SCFD2: variants seen among roughly 807,000 people sequenced by gnomAD.
The protein encoded by SCFD2 is sec1 family domain containing 2.
SCFD2 carries 54 observed loss-of-function variants against 58.9 expected under a neutral mutation model. The observed-to-expected ratio is 0.92, with a 90% CI of 0.74 to 1.15. SCFD2 has a LOEUF of 1.15. SCFD2 is among the 50% of genes most tolerant of loss of function. The probability of loss-of-function intolerance (pLI) is 0.00; values close to 1 mark genes in which losing one functional copy is unlikely to be tolerated. For synonymous variants in SCFD2, 321 were observed against 335.9 expected (o/e 0.96, Z 0.49); for missense variants, 805 against 836.6 (o/e 0.96, Z 0.47).
chr4:53,297,429 G>T (rs1168995437), intron 3 of SCFD2, among the ~76,000 whole-genome samples: 2 of 150,910 alleles, frequency 1.3e-5, no homozygotes, highest in Non-Finnish European at 3.0e-5. Context: ...TTAGTTTAAG[G>T]TCTCTTTGTG....
At chr4:53,160,492 T>A (rs796700672) in intron 4 of SCFD2, among the ~76,000 whole-genome samples, 12 of 152,302 alleles carry the variant, frequency 7.9e-5, no homozygotes, top group African/African-American at 2.9e-4. Context: ...CAAAAGAGTC[T>A]AGAATTATTC....
intron 4 of SCFD2, among the ~76,000 whole-genome samples, chr4:53,242,169 A>C (rs1334950793): frequency 6.6e-6 from 1 of 152,250 alleles, no homozygotes; most frequent in Non-Finnish European, 1.5e-5. Context: ...TAGTATGTGC[A>C]AACAAAAATG....
intron 4 of SCFD2, among the ~76,000 whole-genome samples, chr4:53,192,864 T>C (rs541242887): frequency 2.0e-5 from 3 of 152,104 alleles, no homozygotes; most frequent in Non-Finnish European, 4.4e-5. Flanking sequence ...CATTTAAAAA[T>C]ATTACAAAAC....
At chr4:52,939,311 C>T (rs1041953230) in intron 5 of SCFD2, among the ~76,000 whole-genome samples, 3 of 152,168 alleles carry the variant, frequency 2.0e-5, no homozygotes, top group Non-Finnish European at 4.4e-5. Context: ...TTGGTATTGG[C>T]AATACTGAGA....
chr4:53,026,776 T>C (rs1191705716), intron 5 of SCFD2, among the ~76,000 whole-genome samples: 1 of 152,186 alleles, frequency 6.6e-6, no homozygotes, highest in Non-Finnish European at 1.5e-5. Context: ...TAGGATACAG[T>C]GCAGGGCAAG....
intron 3 of SCFD2, among the ~76,000 whole-genome samples, chr4:53,301,991 T>C (rs1732322173): frequency 6.6e-6 from 1 of 152,176 alleles, no homozygotes; most frequent in Non-Finnish European, 1.5e-5. Context: ...CCACAGCCAG[T>C]ATCATACTGA....
chr4:52,918,445 T>C (rs1267076650), intron 6 of SCFD2, among the ~76,000 whole-genome samples: 1 of 152,190 alleles, frequency 6.6e-6, no homozygotes, highest in Non-Finnish European at 1.5e-5. Flanking sequence ...TAAAAATCCC[T>C]GTTGTCACAA....
chr4:52,914,627 T>C (rs947041033), intron 6 of SCFD2, among the ~76,000 whole-genome samples: 3 of 152,162 alleles, frequency 2.0e-5, no homozygotes, highest in African/African-American at 4.8e-5. Flanking sequence ...ACTTATTTGT[T>C]AGATACAAAC....
At chr4:52,980,883 G>A (rs1250429385) in intron 5 of SCFD2, among the ~76,000 whole-genome samples, 1 of 152,098 alleles carries the variant, frequency 6.6e-6, no homozygotes, top group African/African-American at 2.4e-5. Flanking sequence ...AGATCTTCCT[G>A]CTGGACTGTG....
chr4:53,018,935 C>T (rs1722279818), intron 5 of SCFD2, among the ~76,000 whole-genome samples: 1 of 152,104 alleles, frequency 6.6e-6, no homozygotes, highest in Non-Finnish European at 1.5e-5. Flanking sequence ...GCCCGTAAAG[C>T]TATAGAGGCC....
chr4:52,960,305 A>G (rs1329175431), intron 5 of SCFD2, among the ~76,000 whole-genome samples: 1 of 151,936 alleles, frequency 6.6e-6, no homozygotes, highest in Non-Finnish European at 1.5e-5. Flanking sequence ...GGTATTAGTC[A>G]TGCGGCCACC....
intron 5 of SCFD2, among the ~76,000 whole-genome samples, chr4:52,928,155 C>A (rs967065126): frequency 3.3e-5 from 5 of 151,778 alleles, no homozygotes; most frequent in Non-Finnish European, 7.4e-5. Context: ...GGCAACATAG[C>A]AAGACTCTGT....
intron 7 of SCFD2, among the ~76,000 whole-genome samples, chr4:52,894,586 T>G (rs78083091): frequency 0.048 from 7,353 of 152,326 alleles, 214 homozygotes; most frequent in South Asian, 0.13. Flanking sequence ...AGGTATTCCA[T>G]GCACAAGGAT....
rs571534350 is a variant in SCFD2 at position 53,216,683 on chromosome 4, T to C, written c.1311+57143A>G. Among the ~76,000 whole-genome samples the C allele has an allele frequency of 4.6e-5, 7 of 152,352 alleles. No individual in the cohort carries two copies. In the South Asian group the frequency reaches 8.3e-4, roughly 18 times the overall value. ...CTGATCTTAGTTATTTCTCGCCTTC[T>C]GCTAGCTTTTGAATGTGTTTGCTCT... On this transcript the variant is annotated intron_variant, in intron 4 of 8. Transcript: ENST00000401642.
At chr4:53,263,829 T>G (rs1323768436) in intron 4 of SCFD2, among the ~76,000 whole-genome samples, 1 of 152,222 alleles carries the variant, frequency 6.6e-6, no homozygotes, top group Non-Finnish European at 1.5e-5. Context: ...TTCAGGTTTT[T>G]CAGGCAGTAG....
intron 4 of SCFD2, among the ~76,000 whole-genome samples, chr4:53,173,272 C>T (rs1399356444): frequency 6.6e-6 from 1 of 152,082 alleles, no homozygotes; most frequent in African/African-American, 2.4e-5. Context: ...TTTCAACTTA[C>T]CATGGATTTA....
chr4:53,265,283 T>C (rs1374557968), intron 4 of SCFD2, among the ~76,000 whole-genome samples: 1 of 152,182 alleles, frequency 6.6e-6, no homozygotes, highest in Non-Finnish European at 1.5e-5. Flanking sequence ...CAAAATCTTT[T>C]CTGGGGTTTC....
intron 4 of SCFD2, among the ~76,000 whole-genome samples, chr4:53,253,903 A>T (rs1466487342): frequency 1.3e-5 from 2 of 150,384 alleles, no homozygotes; most frequent in Non-Finnish European, 2.9e-5. Context: ...AAAAAAAAAA[A>T]AAATAACAAA....
intron 4 of SCFD2, among the ~76,000 whole-genome samples, chr4:53,194,643 T>C: frequency 6.6e-6 from 1 of 152,086 alleles, no homozygotes; most frequent in South Asian, 2.1e-4. Flanking sequence ...ATAACACAGA[T>C]TTAGGATAAC....
Sources: gnomAD v4.1 joint callset for allele counts (sites outside exome capture counted in the v4.1 genomes callset) on GRCh38, gnomAD v4.1.1 for gene constraint, MANE v1.5 for transcripts, NCBI Gene and HGNC (gene_info 2026-07-23, HGNC 2026-07-21) for gene names.